Variants in AKAP9 observed in about 807,000 individuals in gnomAD.
AKAP9 encodes the protein A-kinase anchor protein 9.
A neutral mutation model predicts 488.5 loss-of-function variants in AKAP9; 311 were observed. The ratio of observed to expected loss-of-function variants is 0.64; its 90% CI spans 0.58 to 0.70. The LOEUF is 0.70. Ranked by LOEUF, AKAP9 falls within the 30% of genes least tolerant of loss-of-function variation. AKAP9 has a pLI of 0.00. For synonymous variants in AKAP9, 1,462 were observed against 1,483.5 expected (o/e 0.99, Z 0.33); for missense variants, 4,215 against 4,374.5 (o/e 0.96, Z 1.03).
Position 91,985,374 on chromosome 7 carries a change from T to C in AKAP9, c.351+5041T>C, listed in dbSNP as rs563654043. Among the ~76,000 whole-genome samples, 6 of 152,332 alleles carry C rather than the reference T, an allele frequency of 3.9e-5. No homozygotes were observed. The South Asian group carries it at 1.0e-3, about 26-fold the overall frequency. On this transcript the variant is annotated intron_variant, in intron 3 of 49. Transcript: ENST00000356239. Reference sequence around the variant, plus strand: ...TTTTCTGCATCTATTGAGATAATCATGTGGTTTTTGTCTTTGGTTCTGTTT... The same window carrying C: ...TTTTCTGCATCTATTGAGATAATCACGTGGTTTTTGTCTTTGGTTCTGTTT...
intron 24 of AKAP9, among the ~76,000 whole-genome samples, chr7:92,064,209 A>G (rs772901619): frequency 6.6e-6 from 1 of 152,158 alleles, no homozygotes; most frequent in Admixed American, 6.6e-5. Flanking sequence ...GTGAAATTTA[A>G]TAAGAGGCTC....
At chr7:91,995,211 GAAAT>G (rs1798240638) in intron 6 of AKAP9, among the ~76,000 whole-genome samples, 2 of 152,200 alleles carry the variant, frequency 1.3e-5, no homozygotes, top group Admixed American at 1.3e-4. Context: ...AAAACAATTT[GAAAT>G]AGTTTAAGCA....
intron 1 of AKAP9, among the ~76,000 whole-genome samples, chr7:91,949,948 A>T (rs924372730): frequency 1.3e-5 from 2 of 152,126 alleles, no homozygotes; most frequent in Non-Finnish European, 2.9e-5. Flanking sequence ...GTAAAAGTCT[A>T]AGAGTTTTTC....
At chr7:91,964,407 C>T (rs962651361) in intron 1 of AKAP9, among the ~76,000 whole-genome samples, 1 of 152,020 alleles carries the variant, frequency 6.6e-6, no homozygotes, top group African/African-American at 2.4e-5. Context: ...CTAATGTTGC[C>T]TAAAGCATGT....
intron 38 of AKAP9, chr7:92,090,559 T>C (rs1563126868): frequency 6.6e-6 from 1 of 151,064 alleles, no homozygotes; most frequent in African/African-American, 2.4e-5. Context: ...AAGGTGGAGG[T>C]TGCAGTGAGC....
intron 14 of AKAP9, 77 bp downstream of exon 14, chr7:92,023,086 T>G: frequency 4.7e-6 from 7 of 1,498,122 alleles, no homozygotes; most frequent in Non-Finnish European, 6.5e-6. Context: ...GAATGGTTAT[T>G]TAAAAAAGTA....
In AKAP9 at chr7:92,108,648, A is replaced by C; in HGVS notation, c.11686+15A>C. On this transcript the variant is annotated intron_variant, in intron 49 of 49. Coordinates refer to ENST00000356239, the MANE Select transcript of AKAP9 (RefSeq NM_005751.5). ...TATACAGTCAGGTGCTCTGAGTTTA[A>C]CCACATCTTGGCAGCACCACAGTGC... 1 of 1,614,102 alleles carries C rather than the reference A, an allele frequency of 6.2e-7. No homozygotes were observed. The highest frequency in any genetic ancestry group is 8.5e-7 in the Non-Finnish European group (1 of 1,180,010).
intron 1 of AKAP9, among the ~76,000 whole-genome samples, chr7:91,961,571 G>T (rs1248169932): frequency 3.3e-5 from 5 of 152,026 alleles, no homozygotes; most frequent in Non-Finnish European, 7.4e-5. Flanking sequence ...TTGGCTGGGC[G>T]TGGTGGCTCA....
At chr7:92,017,840 A>G (rs1801737926) in intron 12 of AKAP9, among the ~76,000 whole-genome samples, 2 of 152,112 alleles carry the variant, frequency 1.3e-5, no homozygotes, top group Non-Finnish European at 1.5e-5. Context: ...GTTTCTGTGC[A>G]ATTAAGTACA....
intron 14 of AKAP9, among the ~76,000 whole-genome samples, chr7:92,024,219 C>G (rs1229600473): frequency 1.3e-5 from 2 of 151,508 alleles, no homozygotes; most frequent in African/African-American, 4.8e-5. Context: ...CGAGACCAGC[C>G]TGGCCAATAT....
At chr7:91,951,645 A>C (rs1369914426) in intron 1 of AKAP9, among the ~76,000 whole-genome samples, 1 of 152,148 alleles carries the variant, frequency 6.6e-6, no homozygotes, top group Non-Finnish European at 1.5e-5. Context: ...TTTCTGTCTC[A>C]TGTATCATCA....
intron 39 of AKAP9, among the ~76,000 whole-genome samples, chr7:92,093,907 A>G (rs566619034): frequency 6.6e-6 from 1 of 151,708 alleles, no homozygotes; most frequent in South Asian, 2.1e-4. Flanking sequence ...CTGGAGTGCA[A>G]TGGCATGATA....
chr7:92,084,878 G>A lies in AKAP9; in HGVS notation c.8770G>A (p.Ala2924Thr). ...TACACACAGTCAGGGATTTGACATA[G>A]CATCAGAAGGCCGAGGAGAAGAAAG... is the stretch of plus-strand genomic sequence containing the variant. ...YLTHSQGFDI[A>T]SEGRGEESES... is the part of the protein sequence containing the mutation. Residue 2924 changes from alanine (A) to threonine (T), a missense_variant, in exon 35 of 50, where the codon GCA (alanine) becomes ACA (threonine). Coordinates refer to ENST00000356239, the MANE Select transcript of AKAP9 (RefSeq NM_005751.5). The A allele has an allele frequency of 6.2e-7, 1 of 1,613,404 alleles. No homozygotes were observed.
rs1813254645 is a variant in AKAP9, at chr7:92,080,057, A to G, written c.7924A>G (p.Lys2642Glu). 6.4e-7 allele frequency: 1 copy of G among 1,565,584 alleles called. No individual in the cohort carries two copies. Among genetic ancestry groups the G allele is most frequent in the Non-Finnish European group, 8.6e-7 (1 of 1,166,254 alleles). The change falls in exon 31 of 50, where the codon AAG (lysine) becomes GAG (glutamate). Residue 2642 changes from lysine to glutamate, a missense_variant. Lys to Glu is a moderately conservative substitution (Grantham distance 56). Coordinates refer to ENST00000356239, the MANE Select transcript of AKAP9 (RefSeq NM_005751.5). ...AEKNVLEKEK[K>E]LLELQKLLEG... ...AAAAAATGTTTTAGAAAAAGAAAAGAAGCTGCTAGAACTACAGAAGCTATT... is the reference window on the plus strand; with the variant it reads ...AAAAAATGTTTTAGAAAAAGAAAAGGAGCTGCTAGAACTACAGAAGCTATT...
intron 21 of AKAP9, among the ~76,000 whole-genome samples, chr7:92,051,918 T>C (rs749888366): frequency 7.2e-5 from 11 of 152,352 alleles, no homozygotes; most frequent in Non-Finnish European, 1.0e-4. Flanking sequence ...GAATAGCCTA[T>C]GCTTTTATTA....
chr7:92,010,645 C>G (rs150470056), intron 8 of AKAP9, among the ~76,000 whole-genome samples: 2 of 152,212 alleles, frequency 1.3e-5, no homozygotes, highest in Non-Finnish European at 2.9e-5. Context: ...AGGAGTGAGC[C>G]ATCATGCCTG....
At chr7:92,028,071 G>T (rs1437418698) in intron 14 of AKAP9, among the ~76,000 whole-genome samples, 1 of 152,046 alleles carries the variant, frequency 6.6e-6, no homozygotes, top group Non-Finnish European at 1.5e-5. Context: ...GATGTGCTTT[G>T]TTAAACAGAT....
At chr7:92,009,399 A>G (rs1460706958) in intron 8 of AKAP9, among the ~76,000 whole-genome samples, 1 of 152,228 alleles carries the variant, frequency 6.6e-6, no homozygotes, top group Non-Finnish European at 1.5e-5. Context: ...AAGAATATAA[A>G]CTACCAGAAT....
intron 11 of AKAP9, 39 bp downstream of exon 11, chr7:92,016,306 C>G: frequency 7.4e-7 from 1 of 1,348,040 alleles, no homozygotes; most frequent in Non-Finnish European, 1.0e-6. Flanking sequence ...AGTATTTAAT[C>G]CTCTTAAATT....
Sources: gnomAD v4.1 joint callset for allele counts (sites outside exome capture counted in the v4.1 genomes callset) on GRCh38, gnomAD v4.1.1 for gene constraint, MANE v1.5 for transcripts, NCBI Gene and HGNC (gene_info 2026-07-23, HGNC 2026-07-21) for gene names.